TRPA1: variants seen among roughly 807,000 people sequenced by gnomAD.
The protein encoded by TRPA1 is ankyrin-like with transmembrane domains 1.
TRPA1 carries 129 observed loss-of-function variants against 131.3 expected under a neutral mutation model. That is an observed-to-expected ratio of 0.98 (90% confidence interval 0.85 to 1.14). The LOEUF is 1.14. Ranked by LOEUF, TRPA1 falls within the 50% of genes most tolerant of loss-of-function variation. The pLI is 0.00. For missense variants in TRPA1, 1,304 were observed against 1,354.2 expected (o/e 0.96, Z 0.58); for synonymous variants, 441 against 451.7 (o/e 0.98, Z 0.30).
intron 7 of TRPA1, 60 bp from the exon 8 acceptor site, chr8:72,059,498 T>C (rs1427377239): frequency 2.9e-6 from 3 of 1,046,038 alleles, no homozygotes; most frequent in South Asian, 3.0e-5. Context: ...ATAAAATGTA[T>C]TTAATAAAGC....
In TRPA1 at chr8:72,036,347, C is replaced by A. The variant is rs779854082; in HGVS notation, c.2496G>T (p.Trp832Cys). The change falls in exon 21 of 27, where the codon TGG becomes TGT. Residue 832 changes from tryptophan (W) to cysteine (C), a missense_variant. Trp to Cys is a radical substitution (Grantham distance 215, BLOSUM62 -2). Coordinates refer to ENST00000262209, the MANE Select transcript of TRPA1 (RefSeq NM_007332.3). The stretch of plus-strand genomic sequence containing the variant: ...AGTAAACAGCAATTGCTCCACATTG[C>A]CACTGCAGATGAGCTGGTATTTCAA... ...LFVEIPAHLQWQCGAIAVYFY... is the reference protein window; with the variant it reads ...LFVEIPAHLQCQCGAIAVYFY... The A allele has an allele frequency of 6.2e-7, 1 of 1,614,144 alleles. No homozygotes were observed. Among genetic ancestry groups the A allele is most frequent in the Admixed American group, 1.7e-5 (1 of 60,026 alleles).
intron 20 of TRPA1, among the ~76,000 whole-genome samples, chr8:72,036,792 C>A (rs531662304): frequency 6.6e-6 from 1 of 152,266 alleles, no homozygotes; most frequent in East Asian, 1.9e-4. Context: ...ATTCCTGGGG[C>A]CTTTCTATCC....
At chr8:72,080,968 G>T in the TRPA1 span, among the ~76,000 whole-genome samples, 1 of 151,422 alleles carries the variant, frequency 6.6e-6, no homozygotes, top group Non-Finnish European at 1.5e-5. Context: ...CAGTTTTGTT[G>T]ATTGTTTTTC....
chr8:72,045,702 G>T (rs890400117), intron 17 of TRPA1, among the ~76,000 whole-genome samples: 1 of 151,526 alleles, frequency 6.6e-6, no homozygotes, highest in African/African-American at 2.4e-5. Context: ...ATGATTTGTT[G>T]AAGCTAGTAG....
chr8:72,030,082 A>T, intron 23 of TRPA1, 113 bp from the exon 24 acceptor site: 1 of 1,000,530 alleles, frequency 1.0e-6, no homozygotes, highest in Non-Finnish European at 1.6e-6. Context: ...TAGTCTGGGT[A>T]GTGTATAAAT....
Position 72,046,556 on chromosome 8 carries a change from G to T in TRPA1, c.2018C>A (p.Thr673Lys), listed in dbSNP as rs780153786. 11 of 1,599,610 alleles carry T rather than the reference G, an allele frequency of 6.9e-6. No homozygotes were observed. The South Asian group carries it at 1.2e-4, about 18-fold the overall frequency. ...TTCATATATAACATCCTGTGTAGGT[G>T]TTTTTTTGGTGAATTCTAATGGACA... ...LQCPLEFTKKTPTQDVIYEPL... is the reference protein window; with the variant it reads ...LQCPLEFTKKKPTQDVIYEPL... Residue 673 changes from threonine to lysine, a missense_variant, in exon 17 of 27, where the codon ACA becomes AAA. By Grantham distance (78) the Thr-to-Lys change is moderately conservative (BLOSUM62 -1). Coordinates refer to ENST00000262209, the MANE Select transcript of TRPA1 (RefSeq NM_007332.3).
intron 8 of TRPA1, 95 bp from the exon 9 acceptor site, chr8:72,057,911 G>T: frequency 1.1e-6 from 1 of 930,704 alleles, no homozygotes; most frequent in South Asian, 1.4e-5. Flanking sequence ...TTGATACAGA[G>T]TGTCTATATT....
intron 26 of TRPA1, chr8:72,023,603 T>G (rs564096332): frequency 4.4e-5 from 22 of 502,736 alleles, no homozygotes; most frequent in African/African-American, 4.2e-4. Flanking sequence ...TATTCACTTA[T>G]GATTGGAAGG....
intron 24 of TRPA1, among the ~76,000 whole-genome samples, chr8:72,026,658 T>A (rs1207933091): frequency 6.6e-6 from 1 of 152,222 alleles, no homozygotes. Context: ...TATGATGAAT[T>A]TTAAGTATAA....
Position 72,038,921 on chromosome 8 carries a change from T to G in TRPA1, c.2239A>C (p.Asn747His). The G allele has an allele frequency of 6.2e-7, 1 of 1,613,084 alleles. No individual in the cohort carries two copies. Among genetic ancestry groups the G allele is most frequent in the East Asian group, 2.2e-5 (1 of 44,778 alleles). The change falls in exon 19 of 27, where the codon AAC (asparagine) becomes CAC (histidine). Residue 747 changes from asparagine to histidine, a missense_variant. Transcript: ENST00000262209. ...GTTTCATTGATGATGCCAGTTGAGT[T>G]GAAAGCCATTCCTGGTTTTATATTG... ...VVNIKPGMAF[N>H]STGIINETSD...
chr8:72,050,117 C>T (rs779506525), intron 15 of TRPA1, among the ~76,000 whole-genome samples: 5 of 152,072 alleles, frequency 3.3e-5, no homozygotes, highest in Non-Finnish European at 5.9e-5. Context: ...CGACAGGCCC[C>T]GGTGTGTGAT....
In TRPA1 at chr8:72,063,050, C is replaced by T. The variant is rs138696188; in HGVS notation, c.662-106G>A. On this transcript the variant is annotated intron_variant, in intron 5 of 26. Transcript: ENST00000262209. ...AGGTAAAAAAACAATGAAAGGGCAC[C>T]GAGACACATAAAAGCTTGTGTTTAA... The T allele has an allele frequency of 1.1e-3, 1,198 of 1,096,810 alleles. 5 individuals are homozygous for T. The highest frequency in any genetic ancestry group is 8.2e-3 in the Middle Eastern group (30 of 3,668). 67.9% of individuals were successfully genotyped at this position (1,096,810 alleles called of 1,614,324 possible). A position where few individuals can be genotyped will look rare whatever the true frequency, so the allele number is the denominator to read the frequency against.
chr8:72,053,017 G>A (rs1018085406), intron 13 of TRPA1: 30 of 298,264 alleles, frequency 1.0e-4, no homozygotes, highest in South Asian at 4.1e-4. Context: ...AAGAGAGAGA[G>A]AGAGAGAGAG....
At chr8:72,043,340 CTTAT>C (rs796649647) in intron 17 of TRPA1, among the ~76,000 whole-genome samples, 125 of 151,830 alleles carry the variant, frequency 8.2e-4, no homozygotes, top group African/African-American at 2.9e-3. Flanking sequence ...CTTCAATTTG[CTTAT>C]TTATTCAACA....
chr8:72,032,612 G>A (rs1201429934), intron 23 of TRPA1, among the ~76,000 whole-genome samples: 1 of 152,192 alleles, frequency 6.6e-6, no homozygotes, highest in Non-Finnish European at 1.5e-5. Context: ...TGGATCTTCA[G>A]AATGGGGCCA....
At chr8:72,042,702 C>G (rs932653419) in intron 17 of TRPA1, among the ~76,000 whole-genome samples, 1 of 151,788 alleles carries the variant, frequency 6.6e-6, no homozygotes, top group Non-Finnish European at 1.5e-5. Flanking sequence ...ATGGTATATA[C>G]ATACAATGGA....
At chr8:72,054,077 G>GT (rs1805598903) in intron 12 of TRPA1, 1 of 570,138 alleles carries the variant, frequency 1.8e-6, no homozygotes, top group Admixed American at 3.0e-5. Flanking sequence ...ATTCATACAC[G>GT]TTTTTTACTT....
At position 72,075,511 on chromosome 8, in the gene TRPA1, A is replaced by T; in HGVS notation, c.-102T>A. ...CCTGCCAGGCGCTGGGGTCCGCGCG[A>T]GCCCGAGCTCTCCCGCGCTGCAGCT... On this transcript the variant is annotated 5_prime_UTR_variant, in exon 1 of 27. Coordinates refer to ENST00000262209, the MANE Select transcript of TRPA1 (RefSeq NM_007332.3). The T allele has an allele frequency of 2.1e-6, 2 of 954,320 alleles. No individual in the cohort carries two copies. Among genetic ancestry groups the T allele is most frequent in the Non-Finnish European group, 3.3e-6 (2 of 598,812 alleles). 59.1% of individuals were successfully genotyped at this position (954,320 alleles called of 1,614,324 possible).
intron 3 of TRPA1, among the ~76,000 whole-genome samples, chr8:72,068,323 T>C (rs762940520): frequency 9.2e-5 from 14 of 152,266 alleles, no homozygotes; most frequent in Non-Finnish European, 1.6e-4. Context: ...GTTTGTGTTC[T>C]AGGGTGTTTG....
Sources: allele counts gnomAD v4.1 joint callset (sites outside exome capture counted in the v4.1 genomes callset), GRCh38; gene constraint gnomAD v4.1.1; transcripts MANE v1.5; gene names NCBI Gene and HGNC (gene_info 2026-07-23, HGNC 2026-07-21).